TENM3: variants seen among roughly 807,000 people sequenced by gnomAD.
The protein encoded by TENM3 is teneurin transmembrane protein 3.
In TENM3, 63 loss-of-function variants were observed where a neutral mutation model predicts 255.1. That is an observed-to-expected ratio of 0.25 (90% CI 0.20 to 0.30). The LOEUF is 0.30. TENM3 is among the 10% of genes least tolerant of loss of function. TENM3 has a pLI of 1.00. For synonymous variants in TENM3, 1,306 were observed against 1,322.3 expected, an observed-to-expected ratio of 0.99 and a Z score of 0.27; for missense variants, 2,929 against 3,461.1, an observed-to-expected ratio of 0.85 and a Z score of 3.86.
chr4:182,647,724 C>A (rs1197565376), intron 5 of TENM3, among the ~76,000 whole-genome samples: 1 of 152,136 alleles, frequency 6.6e-6, no homozygotes, highest in Non-Finnish European at 1.5e-5. Flanking sequence ...AATTTCAGTT[C>A]TTTCGGGTAT....
At chr4:181,933,043 T>G in the TENM3 span, among the ~76,000 whole-genome samples, 1,120 of 152,060 alleles carry the variant, frequency 7.4e-3, 18 homozygotes, top group African/African-American at 0.026. Flanking sequence ...AGGGATAGCA[T>G]TAGGAGAAAT....
the TENM3 span, among the ~76,000 whole-genome samples, chr4:181,600,931 T>G: frequency 1.3e-5 from 2 of 152,134 alleles, no homozygotes; most frequent in South Asian, 4.1e-4. Flanking sequence ...TGGTCTAGCT[T>G]CTGCTTATTC....
the TENM3 span, among the ~76,000 whole-genome samples, chr4:181,542,591 C>T: frequency 6.6e-6 from 1 of 152,168 alleles, no homozygotes; most frequent in African/African-American, 2.4e-5. Flanking sequence ...TTAAAACTAA[C>T]GCGATTGTAG....
chr4:181,869,334 AT>A, the TENM3 span, among the ~76,000 whole-genome samples: 1 of 152,130 alleles, frequency 6.6e-6, no homozygotes, highest in Middle Eastern at 3.2e-3. Context: ...CATGTATTTA[AT>A]TTATCTTTAA....
At chr4:181,524,773 A>G in the TENM3 span, among the ~76,000 whole-genome samples, 7 of 152,106 alleles carry the variant, frequency 4.6e-5, no homozygotes, top group Non-Finnish European at 1.0e-4. Flanking sequence ...TAGGGGGTAA[A>G]GAGTAGATGG....
At chr4:182,172,113 G>A (rs911501522) in intron 1 of TENM3, among the ~76,000 whole-genome samples, 1 of 109,828 alleles carries the variant, frequency 9.1e-6, no homozygotes, top group African/African-American at 3.3e-5. Context: ...TAAATATTTA[G>A]CTCTCTGTGA....
At chr4:181,512,882 T>C in the TENM3 span, among the ~76,000 whole-genome samples, 1 of 152,226 alleles carries the variant, frequency 6.6e-6, no homozygotes, top group South Asian at 2.1e-4. Context: ...CGCATATTTA[T>C]CATCTTGATT....
At chr4:182,487,892 G>A (rs1734913505) in intron 3 of TENM3, among the ~76,000 whole-genome samples, 1 of 152,062 alleles carries the variant, frequency 6.6e-6, no homozygotes, top group South Asian at 2.1e-4. Context: ...AGTGCAAACA[G>A]AGCCTTTAAA....
chr4:181,888,902 G>T, the TENM3 span, among the ~76,000 whole-genome samples: 3 of 151,662 alleles, frequency 2.0e-5, no homozygotes, highest in South Asian at 2.1e-4. Flanking sequence ...TTCTATTTGG[G>T]CCCTCAAGAG....
the TENM3 span, among the ~76,000 whole-genome samples, chr4:181,582,668 TCA>T: frequency 1.1e-4 from 1 of 8,932 alleles, no homozygotes. Context: ...GCAAAACAAA[TCA>T]AAAAAAAAAA....
At chr4:181,473,831 T>C in the TENM3 span, among the ~76,000 whole-genome samples, 14 of 68,886 alleles carry the variant, frequency 2.0e-4, no homozygotes, top group African/African-American at 5.4e-4. Context: ...TATATATGTA[T>C]ACTGTATATA....
At chr4:181,852,585 C>T in the TENM3 span, among the ~76,000 whole-genome samples, 1 of 152,186 alleles carries the variant, frequency 6.6e-6, no homozygotes, top group African/African-American at 2.4e-5. Flanking sequence ...ACATAGCCTT[C>T]TCTATAAGAT....
intron 3 of TENM3, among the ~76,000 whole-genome samples, chr4:182,600,494 A>G (rs991057268): frequency 1.3e-5 from 2 of 152,208 alleles, no homozygotes; most frequent in Non-Finnish European, 2.9e-5. Context: ...CCATTAAATA[A>G]TTATAGGGAT....
the TENM3 span, among the ~76,000 whole-genome samples, chr4:181,495,306 C>T: frequency 2.0e-5 from 3 of 152,214 alleles, no homozygotes; most frequent in East Asian, 1.9e-4. Flanking sequence ...AAATCAGCAC[C>T]TCAGGCATCA....
the TENM3 span, among the ~76,000 whole-genome samples, chr4:181,831,822 G>C: frequency 1.3e-5 from 2 of 152,064 alleles, no homozygotes; most frequent in Non-Finnish European, 2.9e-5. Context: ...CTATTAAGAT[G>C]ATATTACCAT....
chr4:182,617,920 G>C (rs1749696070), intron 4 of TENM3, among the ~76,000 whole-genome samples: 1 of 152,148 alleles, frequency 6.6e-6, no homozygotes, highest in African/African-American at 2.4e-5. Context: ...TACTACACAA[G>C]ATAAGTATTT....
At chr4:182,085,439 T>G in the TENM3 span, among the ~76,000 whole-genome samples, 1 of 152,316 alleles carries the variant, frequency 6.6e-6, no homozygotes, top group South Asian at 2.1e-4. Flanking sequence ...CGATTTTTTT[T>G]TAACATTATG....
the TENM3 span, among the ~76,000 whole-genome samples, chr4:181,516,691 G>A: frequency 1.3e-5 from 2 of 151,874 alleles, no homozygotes; most frequent in East Asian, 1.9e-4. Flanking sequence ...CAGGAGAATC[G>A]CTGGAACTCG....
At chr4:182,133,730 C>T in the TENM3 span, among the ~76,000 whole-genome samples, 16 of 152,134 alleles carry the variant, frequency 1.1e-4, no homozygotes, top group Non-Finnish European at 4.4e-5. Flanking sequence ...TCACCCTCTT[C>T]GTTTTGTGAA....
Sources: allele counts gnomAD v4.1 joint callset (sites outside exome capture counted in the v4.1 genomes callset), GRCh38; gene constraint gnomAD v4.1.1; transcripts MANE v1.5; gene names NCBI Gene and HGNC (gene_info 2026-07-23, HGNC 2026-07-21).